LDLRAD3: variants seen among roughly 807,000 people sequenced by gnomAD.
LDLRAD3 encodes low-density lipoprotein receptor class A domain-containing protein 3.
A neutral mutation model predicts 29.4 loss-of-function variants in LDLRAD3; 20 were observed. The ratio of observed to expected loss-of-function variants is 0.68; its 90% CI spans 0.48 to 0.99. The LOEUF (loss-of-function observed/expected upper bound fraction) is 0.99. LDLRAD3 is among the 50% of genes least tolerant of loss of function. LDLRAD3 has a pLI of 0.00. For missense variants in LDLRAD3, 420 were observed against 454.3 expected, an observed-to-expected ratio of 0.92 and a Z score of 0.69; for synonymous variants, 157 against 192.7, an observed-to-expected ratio of 0.81 and a Z score of 1.53.
intron 1 of LDLRAD3, among the ~76,000 whole-genome samples, chr11:35,999,792 C>T (rs191774869): frequency 3.3e-5 from 5 of 152,306 alleles, no homozygotes; most frequent in Admixed American, 2.6e-4. Context: ...TGGCAGGGTC[C>T]TCCCCAAGGG....
In LDLRAD3 at chr11:36,021,720, C is replaced by T. The variant is rs988195050; in HGVS notation, c.47-14383C>T. 2.0e-5 allele frequency among the ~76,000 whole-genome samples: 3 copies of T among 152,184 alleles called. No individual in the cohort carries two copies. The East Asian group carries it at 5.8e-4, about 29-fold the overall frequency. On this transcript the variant is annotated intron_variant, in intron 1 of 5. Transcript: ENST00000315571. ...GCAGTGGCGTGATCTTGGCTCACTG[C>T]AACCTCTGCCTGCCGGGCTCAAGTG...
intron 4 of LDLRAD3, among the ~76,000 whole-genome samples, chr11:36,109,634 A>G (rs917358823): frequency 3.9e-5 from 6 of 152,216 alleles, no homozygotes; most frequent in African/African-American, 1.4e-4. Flanking sequence ...TCTGTCACCA[A>G]ATAGAACCAA....
Position 36,229,641 on chromosome 11 carries a change from C to T in LDLRAD3, c.*244C>T. On this transcript the variant is annotated 3_prime_UTR_variant, in exon 6 of 6. Transcript: ENST00000315571. ...TCACTCTTCCCTTGGGACCCGAGATCACACCCTCATTTTTCACATTATTCT... is the reference window on the plus strand; with the variant it reads ...TCACTCTTCCCTTGGGACCCGAGATTACACCCTCATTTTTCACATTATTCT... 6.0e-5 allele frequency: 28 copies of T among 463,102 alleles called. No individual in the cohort carries two copies. Among genetic ancestry groups the T allele is most frequent in the South Asian group, 4.1e-4 (8 of 19,730 alleles). The allele number at this position is 463,102 out of a possible 1,614,324, so 28.7% of individuals were successfully genotyped here. A position where few individuals can be genotyped will look rare whatever the true frequency, so the allele number is the denominator to read the frequency against.
chr11:36,083,459 T>C (rs1853146954), intron 3 of LDLRAD3, among the ~76,000 whole-genome samples: 1 of 152,174 alleles, frequency 6.6e-6, no homozygotes, highest in Non-Finnish European at 1.5e-5. Context: ...ACTATTCATA[T>C]TTATCCCATT....
chr11:35,955,101 C>T (rs1326823427), intron 1 of LDLRAD3, among the ~76,000 whole-genome samples: 15 of 152,154 alleles, frequency 9.9e-5, no homozygotes, highest in Middle Eastern at 3.4e-3. Flanking sequence ...AAAAATTAGC[C>T]GGGCATGGTG....
At chr11:36,161,955 C>T (rs563895761) in intron 4 of LDLRAD3, among the ~76,000 whole-genome samples, 7 of 152,234 alleles carry the variant, frequency 4.6e-5, no homozygotes, top group South Asian at 2.1e-4. Context: ...TTGTGCAGTC[C>T]GCAGACTTAG....
intron 2 of LDLRAD3, among the ~76,000 whole-genome samples, chr11:36,044,658 A>C (rs1852424147): frequency 6.6e-6 from 1 of 152,230 alleles, no homozygotes; most frequent in Non-Finnish European, 1.5e-5. Context: ...CTCACATGGA[A>C]TAGCTTTTAG....
chr11:36,050,141 A>T (rs1002421285), intron 2 of LDLRAD3, among the ~76,000 whole-genome samples: 2 of 152,194 alleles, frequency 1.3e-5, no homozygotes, highest in Non-Finnish European at 2.9e-5. Flanking sequence ...TCAAAGATGG[A>T]TTGGACACTG....
At chr11:36,121,418 G>T (rs1853755725) in intron 4 of LDLRAD3, among the ~76,000 whole-genome samples, 1 of 152,056 alleles carries the variant, frequency 6.6e-6, no homozygotes, top group Admixed American at 6.5e-5. Context: ...TGATATTTCA[G>T]CCTGTGGAAC....
chr11:35,964,512 T>C (rs1019335144), intron 1 of LDLRAD3, among the ~76,000 whole-genome samples: 5 of 152,144 alleles, frequency 3.3e-5, no homozygotes, highest in African/African-American at 1.2e-4. Flanking sequence ...GGCTTTCCCT[T>C]GCTCAGGGCT....
chr11:35,997,461 T>C, intron 1 of LDLRAD3: 1 of 394,396 alleles, frequency 2.5e-6, no homozygotes, highest in Non-Finnish European at 4.9e-6. Context: ...TGGCAGATGG[T>C]ACCACCTCAC....
At chr11:35,963,747 G>C (rs1851307006) in intron 1 of LDLRAD3, among the ~76,000 whole-genome samples, 1 of 152,154 alleles carries the variant, frequency 6.6e-6, no homozygotes, top group African/African-American at 2.4e-5. Flanking sequence ...TAAATGACCT[G>C]TTTGGTATTA....
At chr11:36,221,086 A>C (rs1298114611) in intron 4 of LDLRAD3, among the ~76,000 whole-genome samples, 1 of 151,616 alleles carries the variant, frequency 6.6e-6, no homozygotes, top group Non-Finnish European at 1.5e-5. Context: ...GGTGGCTCAC[A>C]CCTGTAGTCC....
At position 36,229,637 on chromosome 11, in the gene LDLRAD3, A is replaced by G. The variant is rs1855549573; in HGVS notation, c.*240A>G. The G allele has an allele frequency of 2.1e-5, 10 of 476,942 alleles. No individual in the cohort carries two copies. Among genetic ancestry groups the G allele is most frequent in the South Asian group, 1.9e-4 (4 of 21,520 alleles). The allele number at this position is 476,942 out of a possible 1,614,324, so 29.5% of individuals were successfully genotyped here. On this transcript the variant is annotated 3_prime_UTR_variant, in exon 6 of 6. Coordinates refer to ENST00000315571, the MANE Select transcript of LDLRAD3 (RefSeq NM_174902.4). ...CAGGTCACTCTTCCCTTGGGACCCG[A>G]GATCACACCCTCATTTTTCACATTA...
At chr11:36,185,967 T>C (rs1302240525) in intron 4 of LDLRAD3, among the ~76,000 whole-genome samples, 1 of 152,188 alleles carries the variant, frequency 6.6e-6, no homozygotes, top group Non-Finnish European at 1.5e-5. Flanking sequence ...TTGACATTTT[T>C]ATATATTAGA....
At chr11:36,010,787 A>G (rs572503402) in intron 1 of LDLRAD3, among the ~76,000 whole-genome samples, 1 of 152,298 alleles carries the variant, frequency 6.6e-6, no homozygotes, top group South Asian at 2.1e-4. Context: ...TTCCCCTGGA[A>G]TAAATTTCCC....
chr11:35,955,418 T>C (rs1173655836), intron 1 of LDLRAD3, among the ~76,000 whole-genome samples: 2 of 152,304 alleles, frequency 1.3e-5, no homozygotes, highest in East Asian at 3.9e-4. Context: ...GAAGGTGATA[T>C]GAATACATCA....
chr11:36,039,055 C>G (rs1264013752), intron 2 of LDLRAD3, among the ~76,000 whole-genome samples: 1 of 151,026 alleles, frequency 6.6e-6, no homozygotes, highest in African/African-American at 2.4e-5. Context: ...CTGTAAGCTC[C>G]GCCTCCCGGG....
At chr11:36,096,703 C>A (rs1853367037) in intron 3 of LDLRAD3, among the ~76,000 whole-genome samples, 1 of 152,246 alleles carries the variant, frequency 6.6e-6, no homozygotes, top group Non-Finnish European at 1.5e-5. Context: ...CGTAGCCATA[C>A]AGGGCCAGTG....
Sources: gnomAD v4.1 joint callset for allele counts (sites outside exome capture counted in the v4.1 genomes callset) on GRCh38, gnomAD v4.1.1 for gene constraint, MANE v1.5 for transcripts, NCBI Gene and HGNC (gene_info 2026-07-23, HGNC 2026-07-21) for gene names.